SH3BP4: variants seen among roughly 807,000 people sequenced by gnomAD.
SH3BP4 encodes the protein SH3 domain-binding protein 4.
SH3BP4 carries 33 observed loss-of-function variants against 65.5 expected under a neutral mutation model. The observed-to-expected ratio is 0.50, with a 90% CI of 0.38 to 0.67. The LOEUF is 0.67. Ranked by LOEUF, SH3BP4 falls within the 30% of genes least tolerant of loss-of-function variation. The pLI, the probability that SH3BP4 is intolerant of heterozygous loss-of-function variation, is 0.00. For synonymous variants in SH3BP4, 552 were observed against 545.5 expected (o/e 1.01, Z -0.17); for missense variants, 1,134 against 1,261.4 (o/e 0.90, Z 1.53).
chr2:235,045,102 C>A lies in SH3BP4; in HGVS notation c.2478+1855C>A, dbSNP rs1695807034. On this transcript the variant is annotated intron_variant, in intron 4 of 5. Transcript: ENST00000392011. This position sits in a 1 kb window ranked among gnomAD's most constrained non-coding sequence, Gnocchi z 4.3. Reference sequence around the variant, plus strand: ...GAGCACACCTCCTGGCTCTCCAGAACCTGGTGCCGGGCCGTGGCCTGGTCT... The same window carrying A: ...GAGCACACCTCCTGGCTCTCCAGAAACTGGTGCCGGGCCGTGGCCTGGTCT... Among the ~76,000 whole-genome samples the A allele has an allele frequency of 1.3e-5, 2 of 152,202 alleles. No individual in the cohort carries two copies. Among genetic ancestry groups the A allele is most frequent in the Admixed American group, 1.3e-4 (2 of 15,280 alleles).
At chr2:234,989,463 G>T (rs1265636469) in intron 1 of SH3BP4, among the ~76,000 whole-genome samples, 1 of 152,196 alleles carries the variant, frequency 6.6e-6, no homozygotes, top group Admixed American at 6.5e-5. Context: ...CCATGTACCC[G>T]GGTGAATGCC....
Position 235,045,849 on chromosome 2 carries a change from G to T in SH3BP4, c.2478+2602G>T, listed in dbSNP as rs1249512826. Among the ~76,000 whole-genome samples the T allele has an allele frequency of 6.6e-6, 1 of 152,184 alleles. No homozygotes were observed. Among genetic ancestry groups the T allele is most frequent in the Non-Finnish European group, 1.5e-5 (1 of 68,028 alleles). ...TTTTAGCATAGCTTTCGGTGTCCTTGTTCTGATGCCTTGGGTTGGAAACAG... is the reference window on the plus strand; with the variant it reads ...TTTTAGCATAGCTTTCGGTGTCCTTTTTCTGATGCCTTGGGTTGGAAACAG... On this transcript the variant is annotated intron_variant, in intron 4 of 5. Coordinates refer to ENST00000392011, the MANE Select transcript of SH3BP4 (RefSeq NM_014521.3). The surrounding 1 kb of genome is among the most constrained non-coding windows in gnomAD (Gnocchi z 4.3).
rs1695493217 is a variant in SH3BP4 at position 235,038,347 on chromosome 2, ATTTTATATATATATATATAATATATAT to A, written c.119-2540_119-2514del. Among the ~76,000 whole-genome samples, 2 of 6,608 alleles carry A rather than the reference ATTTTATATATATATATATAATATATAT, an allele frequency of 3.0e-4. 1 individual carries two copies. Among genetic ancestry groups the A allele is most frequent in the African/African-American group, 3.8e-4 (2 of 5,296 alleles). 4.3% of individuals were successfully genotyped at this position (6,608 alleles called of 152,430 possible). On this transcript the variant is annotated intron_variant, in intron 3 of 5. Coordinates refer to ENST00000392011, the MANE Select transcript of SH3BP4 (RefSeq NM_014521.3). ...TATATATATTATATATAGTATATAT[ATTTTATATATATATATATAATATATAT>A]ACATATATATATATATATATATATA...
Position 235,034,751 on chromosome 2 carries a change from A to G in SH3BP4, c.-132-120A>G, listed in dbSNP as rs954579926. 6.0e-5 allele frequency: 28 copies of G among 467,228 alleles called. No homozygotes were observed. Among genetic ancestry groups the G allele is most frequent in the Non-Finnish European group, 9.7e-5 (25 of 256,880 alleles). The allele number at this position is 467,228 out of a possible 1,614,324, so 28.9% of individuals were successfully genotyped here. ...TGCTCTGTTGGGCCAGGAAAGATGA[A>G]ATGGGTCTGTCCTCATTAGAACAGC... On this transcript the variant is annotated intron_variant, in intron 2 of 5. Coordinates refer to ENST00000392011, the MANE Select transcript of SH3BP4 (RefSeq NM_014521.3). This position sits in a 1 kb window ranked among gnomAD's most constrained non-coding sequence, Gnocchi z 6.2.
chr2:235,042,703 A>G lies in SH3BP4; in HGVS notation c.1934A>G (p.Tyr645Cys). Reference protein sequence around the residue: ...ILSPFATTTKYPTFQDRPVSS... With the variant: ...ILSPFATTTKCPTFQDRPVSS... ...TCCCCGTTTGCCACCACTACAAAGT[A>G]CCCGACTTTCCAGGACCGCCCGGTG... The change falls in exon 4 of 6, where the codon TAC (tyrosine) becomes TGC (cysteine). Residue 645 changes from tyrosine to cysteine, a missense_variant. Physicochemically the swap from Tyr to Cys is radical, Grantham distance 194. Transcript: ENST00000392011. The surrounding 1 kb of genome is among the most constrained non-coding windows in gnomAD (Gnocchi z 7.3). The G allele has an allele frequency of 1.2e-6, 2 of 1,614,158 alleles. No individual in the cohort carries two copies. Among genetic ancestry groups the G allele is most frequent in the Non-Finnish European group, 1.7e-6 (2 of 1,180,036 alleles).
rs560313638 is a variant in SH3BP4 at position 234,963,959 on chromosome 2, C to T, written c.-207+11789C>T. ...AAGACTGTAATTTGGATCTTGACTG[C>T]GGTCTGGTGTCGCAAGCCTTCTTTC... On this transcript the variant is annotated intron_variant, in intron 1 of 5. Transcript: ENST00000392011. Among the ~76,000 whole-genome samples, 27 of 152,268 alleles carry T rather than the reference C, an allele frequency of 1.8e-4. No homozygotes were observed. The South Asian group carries it at 3.7e-3, about 21-fold the overall frequency.
intron 3 of SH3BP4, among the ~76,000 whole-genome samples, chr2:235,038,771 CA>C (rs1213156197): frequency 6.6e-6 from 1 of 152,004 alleles, no homozygotes; most frequent in East Asian, 1.9e-4. Flanking sequence ...TGACCTGCTT[CA>C]GGGGGCAGGC....
At chr2:234,965,245 C>G (rs1692808838) in intron 1 of SH3BP4, among the ~76,000 whole-genome samples, 1 of 152,210 alleles carries the variant, frequency 6.6e-6, no homozygotes, top group Non-Finnish European at 1.5e-5. Context: ...CACCCAGCAT[C>G]AATGCACCTC....
At position 235,035,173 on chromosome 2, in the gene SH3BP4, A is replaced by G. The variant is rs1695338427; in HGVS notation, c.118+53A>G. On this transcript the variant is annotated intron_variant, in intron 3 of 5. Transcript: ENST00000392011. This position sits in a 1 kb window ranked among gnomAD's most constrained non-coding sequence, Gnocchi z 5.0. ...CTAAGGGAGAACGTTGGGATTTTCA[A>G]GTTGGGATCCAAGAACTTTTCTGCT... The G allele has an allele frequency of 1.5e-6, 2 of 1,365,338 alleles. No homozygotes were observed. The highest frequency in any genetic ancestry group is 1.7e-5 in the Admixed American group (1 of 58,046). 84.6% of individuals were successfully genotyped at this position (1,365,338 alleles called of 1,614,324 possible). A position where few individuals can be genotyped will look rare whatever the true frequency, so the allele number is the denominator to read the frequency against.
chr2:234,961,749 C>T (rs1692719714), intron 1 of SH3BP4, among the ~76,000 whole-genome samples: 1 of 152,160 alleles, frequency 6.6e-6, no homozygotes, highest in South Asian at 2.1e-4. Flanking sequence ...TGATGCTCAA[C>T]TTGACCTTTA....
intron 1 of SH3BP4, among the ~76,000 whole-genome samples, chr2:234,966,770 T>G (rs1692848597): frequency 6.6e-6 from 1 of 152,204 alleles, no homozygotes. Context: ...TTTTGAAACT[T>G]TGGAAATAGT....
chr2:234,969,518 T>G (rs1692924672), intron 1 of SH3BP4, among the ~76,000 whole-genome samples: 1 of 152,216 alleles, frequency 6.6e-6, no homozygotes, highest in Non-Finnish European at 1.5e-5. Flanking sequence ...CAGGCTGCCT[T>G]CAGCGCCAGT....
At position 235,041,143 on chromosome 2, in the gene SH3BP4, T is replaced by C. The variant is rs1182213604; in HGVS notation, c.374T>C (p.Ile125Thr). The change falls in exon 4 of 6, where the codon ATT (isoleucine) becomes ACT (threonine). Residue 125 changes from isoleucine (I) to threonine (T), a missense_variant. Transcript: ENST00000392011. The surrounding 1 kb of genome is among the most constrained non-coding windows in gnomAD (Gnocchi z 6.0). ...RNSTLSDSGM[I>T]DNLPDSPDEV... ...TCAACACTGAGTGACAGCGGTATGA[T>C]TGATAATCTTCCAGACAGCCCAGAC... 1.4e-5 allele frequency: 23 copies of C among 1,614,036 alleles called. No individual in the cohort carries two copies. Among genetic ancestry groups the C allele is most frequent in the African/African-American group, 2.7e-5 (2 of 74,920 alleles).
intron 4 of SH3BP4, among the ~76,000 whole-genome samples, chr2:235,050,844 TG>T (rs1357093741): frequency 1.3e-5 from 2 of 150,662 alleles, no homozygotes; most frequent in African/African-American, 4.9e-5. Context: ...TTGGCGGGGG[TG>T]GGGGGTTGTT....
intron 2 of SH3BP4, chr2:234,995,969 T>C (rs1166722250): frequency 2.6e-5 from 4 of 152,242 alleles, no homozygotes; most frequent in African/African-American, 9.6e-5. Flanking sequence ...AAGAGCTGGA[T>C]TAAATGGTGT....
intron 2 of SH3BP4, among the ~76,000 whole-genome samples, chr2:235,002,212 C>T (rs1302490794): frequency 6.6e-6 from 1 of 152,058 alleles, no homozygotes; most frequent in Admixed American, 6.6e-5. Context: ...TCAGATTTGG[C>T]GAAGAGGAAG....
At chr2:235,021,081 GC>G (rs1348359212) in intron 2 of SH3BP4, among the ~76,000 whole-genome samples, 1 of 152,088 alleles carries the variant, frequency 6.6e-6, no homozygotes, top group Non-Finnish European at 1.5e-5. Context: ...AGAATATATG[GC>G]CCCACAAAGC....
At chr2:235,029,381 C>T (rs1414551546) in intron 2 of SH3BP4, among the ~76,000 whole-genome samples, 2 of 152,094 alleles carry the variant, frequency 1.3e-5, no homozygotes, top group African/African-American at 2.4e-5. Flanking sequence ...CTGAAGGGAG[C>T]GCTTGGTGGG....
At chr2:234,993,970 A>G (rs376564012) in intron 1 of SH3BP4, among the ~76,000 whole-genome samples, 15 of 152,176 alleles carry the variant, frequency 9.9e-5, no homozygotes, top group East Asian at 7.8e-4. Flanking sequence ...GTGTTTGTGC[A>G]TATATTTTGT....
Sources: allele counts gnomAD v4.1 joint callset (sites outside exome capture counted in the v4.1 genomes callset), GRCh38; gene constraint gnomAD v4.1.1; non-coding constraint Gnocchi (gnomAD v3.1); transcripts MANE v1.5; gene names NCBI Gene and HGNC (gene_info 2026-07-23, HGNC 2026-07-21).